The following AKIP1 variants were observed in gnomAD, a reference collection of about 807,000 sequenced individuals.
The protein encoded by AKIP1 is A-kinase interacting protein 1, also known as A-kinase-interacting protein 1.
AKIP1 carries 18 observed loss-of-function variants against 22.3 expected under a neutral mutation model. That is an observed-to-expected ratio of 0.81 (90% CI 0.56 to 1.19). The LOEUF is 1.19. Among genes scored for constraint, AKIP1 ranks in the 50% most tolerant of loss-of-function variants. AKIP1 has a pLI of 0.00. For synonymous variants in AKIP1, 120 were observed against 102.7 expected, an observed-to-expected ratio of 1.17 and a Z score of -1.02; for missense variants, 287 against 264.6, an observed-to-expected ratio of 1.08 and a Z score of -0.59.
intron 4 of AKIP1, 95 bp from the exon 5 acceptor site, chr11:8,917,192 C>A: frequency 1.4e-6 from 1 of 738,356 alleles, no homozygotes. Context: ...GCTGACAGAA[C>A]AATTACTAAC....
At chr11:8,912,375 G>A (rs2134793617) in intron 2 of AKIP1, 78 bp from the exon 3 acceptor site, 9 of 1,158,656 alleles carry the variant, frequency 7.8e-6, no homozygotes, top group Non-Finnish European at 1.2e-5. Context: ...AAGTAAAAAG[G>A]AGACTATTTC....
intron 2 of AKIP1, among the ~76,000 whole-genome samples, 170 bp downstream of exon 2, chr11:8,911,841 G>T (rs1030090173): frequency 6.6e-6 from 1 of 151,562 alleles, no homozygotes; most frequent in African/African-American, 2.4e-5. Flanking sequence ...ACATTTGACA[G>T]ATTCTTGTTG....
At chr11:8,913,593 G>T (rs576606086) in intron 3 of AKIP1, among the ~76,000 whole-genome samples, 2 of 152,308 alleles carry the variant, frequency 1.3e-5, no homozygotes, top group East Asian at 3.9e-4. Flanking sequence ...GCAGGCTCTG[G>T]CCTCATGCAG....
intron 2 of AKIP1, 65 bp from the exon 3 acceptor site, chr11:8,912,388 A>T: frequency 1.5e-6 from 2 of 1,352,266 alleles, no homozygotes; most frequent in Non-Finnish European, 2.1e-6. Context: ...ACTATTTCCA[A>T]AATGGCTTCA....
chr11:8,915,312 A>T (rs1045512299), intron 4 of AKIP1, among the ~76,000 whole-genome samples: 6 of 147,826 alleles, frequency 4.1e-5, no homozygotes, highest in African/African-American at 1.3e-4. Flanking sequence ...TTTTTAAAAG[A>T]GCTCTAAATA....
At chr11:8,917,997 C>T (rs934196531) in intron 5 of AKIP1, 1 of 152,558 alleles carries the variant, frequency 6.6e-6, no homozygotes, top group South Asian at 2.1e-4. Context: ...TGCTACGAGT[C>T]AGGATTTGGA....
At chr11:8,915,182 A>T (rs909491095) in intron 4 of AKIP1, among the ~76,000 whole-genome samples, 8 of 152,030 alleles carry the variant, frequency 5.3e-5, no homozygotes, top group African/African-American at 1.7e-4. Context: ...GGGCCATGGG[A>T]TTCTCCAGCA....
rs753896724 is a variant in AKIP1 at position 8,919,457 on chromosome 11, G to T, written c.610G>T (p.Val204Leu). 1.9e-6 allele frequency: 3 copies of T among 1,614,052 alleles called. No homozygotes were observed. The highest frequency in any genetic ancestry group is 2.5e-6 in the Non-Finnish European group (3 of 1,180,006). Residue 204 changes from valine (V) to leucine (L), a missense_variant, in exon 6 of 6, where the codon GTG becomes TTG. Transcript: ENST00000309377. ...GGTAGCAGTTGATTCTGGACAAAGCGTGGACCTGGTCTTCCCTGTGTGATG... is the reference window on the plus strand; with the variant it reads ...GGTAGCAGTTGATTCTGGACAAAGCTTGGACCTGGTCTTCCCTGTGTGATG... ...HVVAVDSGQS[V>L]DLVFPV
intron 2 of AKIP1, among the ~76,000 whole-genome samples, chr11:8,912,027 G>A (rs2064374145): frequency 6.6e-6 from 1 of 151,452 alleles, no homozygotes; most frequent in Non-Finnish European, 1.5e-5. Context: ...GAGAAATCCC[G>A]TCTCTACTAA....
chr11:8,915,000 C>T, intron 4 of AKIP1, 70 bp downstream of exon 4: 1 of 1,212,264 alleles, frequency 8.2e-7, no homozygotes, highest in Non-Finnish European at 1.2e-6. Flanking sequence ...ATTCAAGAGC[C>T]CCTGCTAGAC....
rs891391527 is a variant in AKIP1 at position 8,911,227 on chromosome 11, A to G, written c.-7+4A>G. ...TGCGCCTTGACGAGTGAGCCGGGTG[A>G]GGGGGCTCCCTAAGTAGCGGAAGGG... On this transcript the variant is annotated splice_donor_region_variant and intron_variant, in intron 1 of 5. Coordinates refer to ENST00000309377, the MANE Select transcript of AKIP1 (RefSeq NM_020642.4). The G allele has an allele frequency of 2.0e-5, 11 of 557,738 alleles. No individual in the cohort carries two copies. Among genetic ancestry groups the G allele is most frequent in the Non-Finnish European group, 2.9e-5 (9 of 315,104 alleles). 34.5% of individuals were successfully genotyped at this position (557,738 alleles called of 1,614,324 possible).
Position 8,911,511 on chromosome 11 carries a change from C to T in AKIP1, c.62C>T (p.Ser21Leu), listed in dbSNP as rs1566101268. The change falls in exon 2 of 6, where the codon TCA becomes TTA. Residue 21 changes from serine to leucine, a missense_variant. Physicochemically the swap from Ser to Leu is moderately radical, Grantham distance 145. Transcript: ENST00000309377. The stretch of plus-strand genomic sequence containing the variant: ...GTGGACCGACGTTCCCTGCAGCGTT[C>T]AGCAAGGCTGGCTCTAGAAGTGCTG... ...NGVDRRSLQR[S>L]ARLALEVLER... 1.9e-6 allele frequency: 3 copies of T among 1,609,420 alleles called. No individual in the cohort carries two copies. In the Admixed American group the frequency reaches 5.1e-5, roughly 27 times the overall value.
chr11:8,911,525 C>G lies in AKIP1; in HGVS notation c.76C>G (p.Leu26Val), dbSNP rs142557297. 6.2e-7 allele frequency: 1 copy of G among 1,610,068 alleles called. No homozygotes were observed. The change falls in exon 2 of 6, where the codon CTA (leucine) becomes GTA (valine). Residue 26 changes from leucine to valine, a missense_variant. By Grantham distance (32) the Leu-to-Val change is conservative. Transcript: ENST00000309377. ...RSLQRSARLA[L>V]EVLERAKRRA... ...CCTGCAGCGTTCAGCAAGGCTGGCT[C>G]TAGAAGTGCTGGAGAGGGCCAAGAG... is the stretch of plus-strand genomic sequence containing the variant.
chr11:8,913,163 G>A (rs1196633804), intron 3 of AKIP1, among the ~76,000 whole-genome samples: 2 of 149,244 alleles, frequency 1.3e-5, no homozygotes, highest in Non-Finnish European at 3.0e-5. Flanking sequence ...ACAGGTGTGA[G>A]CCACCGTGCC....
chr11:8,917,233 A>T, intron 4 of AKIP1, 54 bp from the exon 5 acceptor site: 1 of 1,259,760 alleles, frequency 7.9e-7, no homozygotes, highest in Non-Finnish European at 1.1e-6. Flanking sequence ...ACTTCTCTTT[A>T]CAATCCAAAA....
At chr11:8,911,342 G>C in intron 1 of AKIP1, 102 bp from the exon 2 acceptor site, 2 of 1,028,648 alleles carry the variant, frequency 1.9e-6, no homozygotes, top group South Asian at 1.6e-5. Flanking sequence ...CAGGAGCGGT[G>C]GTCTCCAGGG....
intron 5 of AKIP1, among the ~76,000 whole-genome samples, chr11:8,919,002 A>C (rs977615652): frequency 6.6e-6 from 1 of 152,228 alleles, no homozygotes; most frequent in South Asian, 2.1e-4. Flanking sequence ...TCTGATCCCC[A>C]AAACAGTGGC....
chr11:8,919,732 G>A lies in AKIP1; in HGVS notation c.*252G>A. 1 of 329,668 alleles carries A rather than the reference G, an allele frequency of 3.0e-6. No homozygotes were observed. The highest frequency in any genetic ancestry group is 5.6e-6 in the Non-Finnish European group (1 of 179,182). The allele number at this position is 329,668 out of a possible 1,614,324, so 20.4% of individuals were successfully genotyped here. On this transcript the variant is annotated 3_prime_UTR_variant, in exon 6 of 6. Transcript: ENST00000309377. ...GCTCACTGCAAGTTCCGCCTCCCGGGTTCACACCATTCTCCTGCCTCAGCC... is the reference window on the plus strand; with the variant it reads ...GCTCACTGCAAGTTCCGCCTCCCGGATTCACACCATTCTCCTGCCTCAGCC...
At chr11:8,915,121 A>G (rs769473219) in intron 4 of AKIP1, among the ~76,000 whole-genome samples, 191 bp downstream of exon 4, 1 of 152,164 alleles carries the variant, frequency 6.6e-6, no homozygotes, top group Non-Finnish European at 1.5e-5. Flanking sequence ...GAGGTTGTCA[A>G]AAATATAAGA....
Sources: allele counts gnomAD v4.1 joint callset (sites outside exome capture counted in the v4.1 genomes callset), GRCh38; gene constraint gnomAD v4.1.1; transcripts MANE v1.5; gene names NCBI Gene and HGNC (gene_info 2026-07-23, HGNC 2026-07-21).